Variants in AADACL4 observed in about 807,000 individuals in gnomAD.
AADACL4 encodes the protein arylacetamide deacetylase-like 4.
Under a neutral mutation model 14.1 loss-of-function variants are expected in AADACL4, and 9 were observed. That is an observed-to-expected ratio of 0.64 (90% CI 0.39 to 1.12). The LOEUF (loss-of-function observed/expected upper bound fraction) is 1.12. AADACL4 is among the 50% of genes most tolerant of loss of function. The probability of loss-of-function intolerance (pLI) is 0.01; values close to 1 mark genes in which losing one functional copy is unlikely to be tolerated. For synonymous variants in AADACL4, 188 were observed against 201.6 expected (o/e 0.93, Z 0.57); for missense variants, 531 against 516.1 (o/e 1.03, Z -0.28).
intron 1 of AADACL4, among the ~76,000 whole-genome samples, chr1:12,648,547 C>T (rs975069411): frequency 6.6e-5 from 10 of 151,470 alleles, no homozygotes; most frequent in African/African-American, 2.2e-4. Context: ...CAGGCATGCA[C>T]CACTGTGCCT....
chr1:12,654,652 A>T (rs1647169872), intron 2 of AADACL4, among the ~76,000 whole-genome samples: 1 of 152,210 alleles, frequency 6.6e-6, no homozygotes. Flanking sequence ...TAGTTATAAT[A>T]GCCACAAACC....
rs775307593 is a variant in AADACL4, at chr1:12,651,311, T to C, written c.357T>C (p.His119=). Residue 119 remains histidine, a synonymous_variant, in exon 2 of 4, where the codon CAT becomes CAC. Coordinates refer to ENST00000376221, the MANE Select transcript of AADACL4 (RefSeq NM_001013630.2). The part of the protein sequence containing the change: ...SRPRRGIIFY[H]GGATVFGSLD... ...CCCGGCGAGGCATCATCTTCTACCA[T>C]GGAGGGGCCACAGTATTTGGGAGCC... 2.5e-5 allele frequency: 40 copies of C among 1,614,008 alleles called. No homozygotes were observed. The highest frequency in any genetic ancestry group is 3.1e-5 in the Non-Finnish European group (37 of 1,180,024).
In AADACL4 at chr1:12,666,050, A is replaced by C; in HGVS notation, c.539A>C (p.Tyr180Ser). The stretch of plus-strand genomic sequence containing the variant: ...CACTTCCTGAAGGCCCTGGAAACCT[A>C]TGGGGTGGACCCCTCCAGGGTTGTG... ...SIHFLKALETYGVDPSRVVVC... is the reference protein window; with the variant it reads ...SIHFLKALETSGVDPSRVVVC... Residue 180 changes from tyrosine (Y) to serine (S), a missense_variant, in exon 4 of 4, where the codon TAT becomes TCT. Transcript: ENST00000376221. 6.2e-7 allele frequency: 1 copy of C among 1,614,144 alleles called. No individual in the cohort carries two copies. The highest frequency in any genetic ancestry group is 8.5e-7 in the Non-Finnish European group (1 of 1,180,022).
chr1:12,660,773 A>G (rs1647220531), intron 2 of AADACL4, among the ~76,000 whole-genome samples: 1 of 152,020 alleles, frequency 6.6e-6, no homozygotes, highest in Non-Finnish European at 1.5e-5. Context: ...CCTCCTGAGT[A>G]GCTGGGACTA....
intron 1 of AADACL4, among the ~76,000 whole-genome samples, chr1:12,650,191 G>A (rs1647136448): frequency 6.6e-6 from 1 of 152,202 alleles, no homozygotes; most frequent in African/African-American, 2.4e-5. Context: ...GTCTGTGGGA[G>A]AGATTATCCA....
chr1:12,651,030 T>C (rs1647141936), intron 1 of AADACL4, 93 bp from the exon 2 acceptor site: 2 of 1,289,374 alleles, frequency 1.6e-6, no homozygotes, highest in Non-Finnish European at 2.2e-6. Context: ...TGAGAAACTG[T>C]GAAAACATCC....
chr1:12,653,535 A>G (rs1244681315), intron 2 of AADACL4, among the ~76,000 whole-genome samples: 3 of 152,250 alleles, frequency 2.0e-5, no homozygotes, highest in Non-Finnish European at 4.4e-5. Flanking sequence ...AATTGTTGAT[A>G]TAAGAACAAC....
chr1:12,658,119 C>T (rs1237695725), intron 2 of AADACL4, among the ~76,000 whole-genome samples: 1,854 of 116,992 alleles, frequency 0.016, 58 homozygotes, highest in African/African-American at 0.043. Flanking sequence ...TTCCTTCCTT[C>T]CTTCCTTCCT....
At chr1:12,659,107 A>C (rs1030064421) in intron 2 of AADACL4, among the ~76,000 whole-genome samples, 1 of 152,162 alleles carries the variant, frequency 6.6e-6, no homozygotes, top group South Asian at 2.1e-4. Flanking sequence ...TGCCCATAGG[A>C]AAAGGCGGGC....
At chr1:12,664,033 A>G (rs1283904415) in intron 3 of AADACL4, among the ~76,000 whole-genome samples, 1 of 152,230 alleles carries the variant, frequency 6.6e-6, no homozygotes, top group Admixed American at 6.5e-5. Flanking sequence ...AATTCAAGGT[A>G]TAATAGAAGG....
At position 12,666,308 on chromosome 1, in the gene AADACL4, C is replaced by A; in HGVS notation, c.797C>A (p.Ala266Asp). The change falls in exon 4 of 4, where the codon GCC (alanine) becomes GAC (aspartate). Residue 266 changes from alanine (A) to aspartate (D), a missense_variant. Transcript: ENST00000376221. ...GCCATTGACCTCTCCTGGCGTGACG[C>A]CATCTTGAACGGCACTTGTGTACCC... ...YLAIDLSWRD[A>D]ILNGTCVPPD... 1.2e-6 allele frequency: 2 copies of A among 1,614,216 alleles called. No individual in the cohort carries two copies. The highest frequency in any genetic ancestry group is 1.7e-6 in the Non-Finnish European group (2 of 1,180,052).
At chr1:12,657,602 A>G (rs1366726740) in intron 2 of AADACL4, among the ~76,000 whole-genome samples, 1 of 152,162 alleles carries the variant, frequency 6.6e-6, no homozygotes, top group Non-Finnish European at 1.5e-5. Flanking sequence ...GTGCAGGCAG[A>G]CTCAAGAGAG....
At chr1:12,644,804 C>T (rs1647099661) in intron 1 of AADACL4, 90 bp downstream of exon 1, 3 of 1,376,034 alleles carry the variant, frequency 2.2e-6, no homozygotes, top group African/African-American at 1.4e-5. Context: ...CACTTCCCTT[C>T]TGTCTCTCTC....
At chr1:12,655,517 G>A (rs1231043013) in intron 2 of AADACL4, among the ~76,000 whole-genome samples, 1 of 151,634 alleles carries the variant, frequency 6.6e-6, no homozygotes, top group Non-Finnish European at 1.5e-5. Flanking sequence ...GGTCTAGGTG[G>A]GCTCCCTGGC....
intron 2 of AADACL4, among the ~76,000 whole-genome samples, chr1:12,654,961 G>T (rs549440640): frequency 6.6e-6 from 1 of 152,190 alleles, no homozygotes; most frequent in African/African-American, 2.4e-5. Flanking sequence ...CAGGGCTGTG[G>T]CCACTGACTC....
intron 1 of AADACL4, among the ~76,000 whole-genome samples, chr1:12,649,927 TCTTA>T (rs748048382): frequency 7.7e-4 from 117 of 152,342 alleles, no homozygotes; most frequent in Non-Finnish European, 1.3e-3. Flanking sequence ...AAATTTTGCA[TCTTA>T]CTTGTTGAAC....
chr1:12,655,342 C>G (rs1382474467), intron 2 of AADACL4, among the ~76,000 whole-genome samples: 2 of 152,114 alleles, frequency 1.3e-5, no homozygotes, highest in African/African-American at 4.8e-5. Flanking sequence ...TGTCAAGAGT[C>G]ACTGAGGCTC....
intron 1 of AADACL4, among the ~76,000 whole-genome samples, chr1:12,647,839 G>A (rs1647120784): frequency 6.6e-6 from 1 of 151,872 alleles, no homozygotes; most frequent in Non-Finnish European, 1.5e-5. Flanking sequence ...TGTATTTTTT[G>A]TAGAGACCAG....
intron 2 of AADACL4, among the ~76,000 whole-genome samples, chr1:12,655,661 G>T (rs1055679713): frequency 6.6e-6 from 1 of 152,056 alleles, no homozygotes; most frequent in Non-Finnish European, 1.5e-5. Flanking sequence ...TGGGGCACTG[G>T]TTGCAGAGTT....
Sources: allele counts gnomAD v4.1 joint callset (sites outside exome capture counted in the v4.1 genomes callset), GRCh38; gene constraint gnomAD v4.1.1; transcripts MANE v1.5; gene names NCBI Gene and HGNC (gene_info 2026-07-23, HGNC 2026-07-21).